COL28A1: variants seen among roughly 807,000 people sequenced by gnomAD.
The protein encoded by COL28A1 is collagen type XXVIII alpha 1 chain.
A neutral mutation model predicts 150.2 loss-of-function variants in COL28A1; 161 were observed. The ratio of observed to expected loss-of-function variants is 1.07; its 90% CI spans 0.94 to 1.22. The LOEUF (loss-of-function observed/expected upper bound fraction) is 1.22. Among genes scored for constraint, COL28A1 ranks in the 50% most tolerant of loss-of-function variants. The pLI, the probability that COL28A1 is intolerant of heterozygous loss-of-function variation, is 0.00. For missense variants in COL28A1, 1,617 were observed against 1,388.3 expected (o/e 1.16, Z -2.62); for synonymous variants, 552 against 469.7 (o/e 1.18, Z -2.26).
intron 26 of COL28A1, 42 bp from the exon 27 acceptor site, chr7:7,417,969 G>A (rs1158594465): frequency 2.0e-6 from 3 of 1,518,816 alleles, no homozygotes; most frequent in African/African-American, 2.8e-5. Context: ...AATGTAAGAA[G>A]ATCGAAGAAG....
intron 31 of COL28A1, among the ~76,000 whole-genome samples, chr7:7,374,093 A>G (rs1781418775): frequency 6.7e-6 from 1 of 149,442 alleles, no homozygotes; most frequent in Non-Finnish European, 1.5e-5. Flanking sequence ...ATAAAATAAT[A>G]AATACTTATG....
At chr7:7,360,071 T>C (rs1371103509) in intron 34 of COL28A1, among the ~76,000 whole-genome samples, 9 of 152,114 alleles carry the variant, frequency 5.9e-5, no homozygotes, top group African/African-American at 1.7e-4. Context: ...TGTAAGACAA[T>C]AGGGAGCAGT....
chr7:7,394,952 G>A (rs1459097034), intron 27 of COL28A1, among the ~76,000 whole-genome samples: 1 of 152,114 alleles, frequency 6.6e-6, no homozygotes, highest in Non-Finnish European at 1.5e-5. Context: ...CTTGGATTTC[G>A]GCACTTGCTC....
At chr7:7,457,782 A>G (rs1282743598) in intron 15 of COL28A1, among the ~76,000 whole-genome samples, 2 of 152,228 alleles carry the variant, frequency 1.3e-5, no homozygotes, top group African/African-American at 4.8e-5. Context: ...TGAGGGATCC[A>G]TCTGTCAAAT....
intron 4 of COL28A1, among the ~76,000 whole-genome samples, chr7:7,523,385 C>T (rs577012244): frequency 6.6e-6 from 1 of 152,012 alleles, no homozygotes; most frequent in South Asian, 2.1e-4. Flanking sequence ...GTCTCGATCT[C>T]CTGACCTCAT....
intron 11 of COL28A1, among the ~76,000 whole-genome samples, chr7:7,502,129 T>C: frequency 6.6e-6 from 1 of 152,142 alleles, no homozygotes; most frequent in Non-Finnish European, 1.5e-5. Context: ...CTTGAACTCC[T>C]GACCTCGTGA....
At chr7:7,391,296 T>C (rs965986862) in intron 27 of COL28A1, among the ~76,000 whole-genome samples, 2 of 152,156 alleles carry the variant, frequency 1.3e-5, no homozygotes, top group South Asian at 4.1e-4. Context: ...TTTGAGTGAG[T>C]TTCTTAATCC....
At chr7:7,524,767 A>C (rs541641728) in intron 3 of COL28A1, among the ~76,000 whole-genome samples, 1 of 152,202 alleles carries the variant, frequency 6.6e-6, no homozygotes, top group East Asian at 1.9e-4. Context: ...AAAAAGAGAA[A>C]ATTACAAAGT....
chr7:7,442,414 T>A (rs1266848746), intron 20 of COL28A1, among the ~76,000 whole-genome samples: 1 of 152,174 alleles, frequency 6.6e-6, no homozygotes, highest in East Asian at 1.9e-4. Flanking sequence ...AAACACATCC[T>A]AAAAACAATT....
chr7:7,372,880 T>C (rs1781308095), intron 32 of COL28A1, 118 bp downstream of exon 32: 1 of 742,332 alleles, frequency 1.3e-6, no homozygotes, highest in Non-Finnish European at 2.2e-6. Context: ...TACCATTTAA[T>C]GTTGGCATAA....
At chr7:7,447,043 A>C (rs1295262246) in intron 18 of COL28A1, among the ~76,000 whole-genome samples, 1 of 152,260 alleles carries the variant, frequency 6.6e-6, no homozygotes, top group Non-Finnish European at 1.5e-5. Flanking sequence ...TCTACTGGCA[A>C]GAAATAAAAC....
chr7:7,477,285 T>A, intron 13 of COL28A1, 105 bp from the exon 14 acceptor site: 6 of 702,218 alleles, frequency 8.5e-6, no homozygotes, highest in Admixed American at 7.5e-5. Context: ...TATTTCAGTT[T>A]ACATGCCAAA....
At chr7:7,439,778 C>G (rs1348945498) in intron 21 of COL28A1, among the ~76,000 whole-genome samples, 1 of 152,190 alleles carries the variant, frequency 6.6e-6, no homozygotes. Flanking sequence ...TTGAGAAGCA[C>G]AGATTCCTGG....
At chr7:7,354,814 C>A (rs76940633), downstream of COL28A1, among the ~76,000 whole-genome samples, 3,402 of 152,210 alleles carry the variant, frequency 0.022, 119 homozygotes, top group African/African-American at 0.077. Context: ...GGGAATGTAA[C>A]CCAGCAGGTT....
chr7:7,441,808 C>A (rs1785815134), intron 20 of COL28A1, among the ~76,000 whole-genome samples: 1 of 152,126 alleles, frequency 6.6e-6, no homozygotes, highest in Admixed American at 6.5e-5. Context: ...GCAAAGCAGG[C>A]ACTTTATTAA....
chr7:7,378,558 G>C (rs1275562785), intron 30 of COL28A1, among the ~76,000 whole-genome samples: 2 of 152,202 alleles, frequency 1.3e-5, no homozygotes, highest in Non-Finnish European at 2.9e-5. Context: ...AGTCTGAAAT[G>C]AATCTGCACA....
At chr7:7,537,572 A>C (rs79808090), upstream of COL28A1, among the ~76,000 whole-genome samples, 19,954 of 152,196 alleles carry the variant, frequency 0.13, 1,456 homozygotes, top group East Asian at 0.22. Context: ...GAGAATGGCA[A>C]AATGAACTTT....
intron 1 of COL28A1, among the ~76,000 whole-genome samples, chr7:7,535,045 T>A (rs532665048): frequency 6.6e-6 from 1 of 152,252 alleles, no homozygotes; most frequent in East Asian, 1.9e-4. Flanking sequence ...TTATTTTGCC[T>A]CTGTTTTTAA....
At chr7:7,499,957 T>TAAAAAATACAAATTAAACCCC in intron 11 of COL28A1, among the ~76,000 whole-genome samples, 1 of 152,282 alleles carries the variant, frequency 6.6e-6, no homozygotes, top group Non-Finnish European at 1.5e-5. Context: ...CAAGAAAGTG[T>TAAAAAATACAAATTAAACCCC]AAAAAATACA....
Sources: allele counts gnomAD v4.1 joint callset (sites outside exome capture counted in the v4.1 genomes callset), GRCh38; gene constraint gnomAD v4.1.1; transcripts MANE v1.5; gene names NCBI Gene and HGNC (gene_info 2026-07-23, HGNC 2026-07-21).